PIGN: variants seen among roughly 807,000 people sequenced by gnomAD.
PIGN encodes the protein GPI ethanolamine phosphate transferase 1.
A neutral mutation model predicts 125.4 loss-of-function variants in PIGN; 117 were observed. The ratio of observed to expected loss-of-function variants is 0.93; its 90% CI spans 0.80 to 1.09. PIGN has a LOEUF of 1.09. PIGN is among the 50% of genes least tolerant of loss of function. The probability of loss-of-function intolerance (pLI) is 0.00; values close to 1 mark genes in which losing one functional copy is unlikely to be tolerated. For synonymous variants in PIGN, 392 were observed against 377.8 expected (o/e 1.04, Z -0.44); for missense variants, 1,075 against 1,094.9 (o/e 0.98, Z 0.26).
At chr18:62,097,270 A>G (rs928765210) in intron 22 of PIGN, among the ~76,000 whole-genome samples, 4 of 132,588 alleles carry the variant, frequency 3.0e-5, no homozygotes, top group Admixed American at 8.0e-5. Flanking sequence ...GAAGGACATG[A>G]ACAGACACTT....
chr18:62,024,310 A>G (rs1057352537), intron 23 of PIGN, among the ~76,000 whole-genome samples: 2 of 152,154 alleles, frequency 1.3e-5, no homozygotes, highest in African/African-American at 4.8e-5. Context: ...AAAACATCTC[A>G]GTTTCCATAG....
rs1457556662 is a variant in PIGN at position 62,045,314 on chromosome 18, T to C, written c.*542A>G. ...AGCACTAAAAAGGATAAGATAGCAT[T>C]ATTGCATACTAAAGAAATATGACAA... On this transcript the variant is annotated 3_prime_UTR_variant, in exon 31 of 31. Coordinates refer to ENST00000640252, the MANE Select transcript of PIGN (RefSeq NM_176787.5). The C allele has an allele frequency of 1.3e-5, 2 of 152,254 alleles. No homozygotes were observed. Among genetic ancestry groups the C allele is most frequent in the Non-Finnish European group, 2.9e-5 (2 of 68,076 alleles). The allele number at this position is 152,254 out of a possible 1,614,324, so 9.4% of individuals were successfully genotyped here.
chr18:62,106,054 A>G (rs1395908205), intron 19 of PIGN, among the ~76,000 whole-genome samples: 2 of 152,206 alleles, frequency 1.3e-5, no homozygotes, highest in Non-Finnish European at 2.9e-5. Flanking sequence ...GTTAGACCAT[A>G]TATTGATGAA....
Position 62,105,630 on chromosome 18 carries a change from G to A in PIGN, c.1772C>T (p.Thr591Ile). 1 of 1,537,494 alleles carries A rather than the reference G, an allele frequency of 6.5e-7. No individual in the cohort carries two copies. The highest frequency in any genetic ancestry group is 2.1e-5 in the Admixed American group (1 of 48,736). Reference sequence around the variant, plus strand: ...AGAGAAGAAAGTCCAACTCAGTGAGGTCATCTAAAATCAAGAAAAAAGTTA... The same window carrying A: ...AGAGAAGAAAGTCCAACTCAGTGAGATCATCTAAAATCAAGAAAAAAGTTA... ...LTRLWTRAKM[T>I]SLSWTFFSLL... The change falls in exon 20 of 31, where the codon ACC becomes ATC. Residue 591 changes from threonine to isoleucine, a missense_variant. Transcript: ENST00000640252.
chr18:62,129,033 C>T (rs2035637285), intron 14 of PIGN, among the ~76,000 whole-genome samples: 1 of 152,158 alleles, frequency 6.6e-6, no homozygotes, highest in South Asian at 2.1e-4. Flanking sequence ...TTTCTATTAG[C>T]TCTCAACACC....
At chr18:62,122,946 T>A (rs1475604350) in intron 14 of PIGN, among the ~76,000 whole-genome samples, 1 of 152,178 alleles carries the variant, frequency 6.6e-6, no homozygotes, top group Non-Finnish European at 1.5e-5. Context: ...TTATAAAGAA[T>A]AAGCCAGCAA....
At chr18:62,125,125 A>AATATACACGTTTGTACATATGTGT (rs1568202863) in intron 14 of PIGN, among the ~76,000 whole-genome samples, 1 of 93,472 alleles carries the variant, frequency 1.1e-5, no homozygotes, top group African/African-American at 3.4e-5. Flanking sequence ...TGTGTATATA[A>AATATACACGTTTGTACATATGTGT]ATATACACGT....
At chr18:62,141,144 T>C (rs2036120800) in intron 11 of PIGN, among the ~76,000 whole-genome samples, 1 of 152,200 alleles carries the variant, frequency 6.6e-6, no homozygotes, top group African/African-American at 2.4e-5. Context: ...TTGACTATGT[T>C]TATGTAAGTC....
At chr18:62,071,180 G>C (rs1034834956) in intron 30 of PIGN, among the ~76,000 whole-genome samples, 12 of 152,158 alleles carry the variant, frequency 7.9e-5, no homozygotes, top group African/African-American at 2.9e-4. Context: ...GGCAGATAAT[G>C]ATCACATGAA....
At chr18:62,118,822 T>C (rs1485460487) in intron 14 of PIGN, among the ~76,000 whole-genome samples, 1 of 150,108 alleles carries the variant, frequency 6.7e-6, no homozygotes, top group Non-Finnish European at 1.5e-5. Context: ...TATTATATTA[T>C]ACTATATTAT....
At chr18:62,173,499 G>A in intron 1 of PIGN, among the ~76,000 whole-genome samples, 1 of 152,170 alleles carries the variant, frequency 6.6e-6, no homozygotes, top group East Asian at 1.9e-4. Context: ...CCCAAAAAGT[G>A]CTGGGATTAC....
chr18:62,160,030 G>A (rs562614915), intron 4 of PIGN, among the ~76,000 whole-genome samples: 36 of 152,144 alleles, frequency 2.4e-4, no homozygotes, highest in East Asian at 9.7e-4. Context: ...GGAGAATGGC[G>A]TGAACCTGGG....
intron 14 of PIGN, among the ~76,000 whole-genome samples, chr18:62,126,883 A>C (rs1431495764): frequency 1.3e-5 from 2 of 152,180 alleles, no homozygotes; most frequent in African/African-American, 4.8e-5. Flanking sequence ...AGTAAATCAT[A>C]ATATATGTCC....
chr18:62,036,144 C>G (rs1483589357), intron 23 of PIGN, among the ~76,000 whole-genome samples: 1 of 152,226 alleles, frequency 6.6e-6, no homozygotes, highest in Non-Finnish European at 1.5e-5. Context: ...CCAGAGACTT[C>G]TGTGTGTACA....
intron 14 of PIGN, among the ~76,000 whole-genome samples, chr18:62,135,387 T>C (rs1405648154): frequency 1.3e-5 from 2 of 152,048 alleles, no homozygotes; most frequent in South Asian, 2.1e-4. Flanking sequence ...CTGGTCACTA[T>C]GCTCTAGAGT....
intron 4 of PIGN, among the ~76,000 whole-genome samples, chr18:62,159,337 C>T (rs2036857439): frequency 6.6e-6 from 1 of 152,120 alleles, no homozygotes; most frequent in South Asian, 2.1e-4. Flanking sequence ...GCACACAACA[C>T]AAAACATCAA....
At chr18:62,151,627 C>T (rs1298902118) in intron 7 of PIGN, among the ~76,000 whole-genome samples, 2 of 152,222 alleles carry the variant, frequency 1.3e-5, no homozygotes, top group African/African-American at 2.4e-5. Context: ...AGATTAAACA[C>T]TGCACTTGAC....
intron 30 of PIGN, chr18:62,056,791 A>C (rs1346791304): frequency 6.6e-6 from 1 of 152,246 alleles, no homozygotes; most frequent in South Asian, 2.1e-4. Context: ...GCGAAGCTTC[A>C]TCTGTATTTG....
intron 30 of PIGN, among the ~76,000 whole-genome samples, chr18:62,050,626 T>A (rs370124356): frequency 2.0e-3 from 306 of 152,010 alleles, no homozygotes; most frequent in African/African-American, 7.0e-3. Flanking sequence ...TTTCTAGATA[T>A]ACAATCATGT....
Sources: allele counts gnomAD v4.1 joint callset (sites outside exome capture counted in the v4.1 genomes callset), GRCh38; gene constraint gnomAD v4.1.1; transcripts MANE v1.5; gene names NCBI Gene and HGNC (gene_info 2026-07-23, HGNC 2026-07-21).